Variants in MGLL observed in about 807,000 individuals in gnomAD.
MGLL encodes the protein monoglyceride lipase.
In MGLL, 7 loss-of-function variants were observed where a neutral mutation model predicts 29.1. The ratio of observed to expected loss-of-function variants is 0.24; its 90% CI spans 0.14 to 0.45. The LOEUF (loss-of-function observed/expected upper bound fraction) is 0.45. MGLL is among the 20% of genes least tolerant of loss of function. MGLL has a pLI of 0.99. For synonymous variants in MGLL, 148 were observed against 168.3 expected (o/e 0.88, Z 0.93); for missense variants, 356 against 413.6 (o/e 0.86, Z 1.21).
In MGLL at chr3:127,775,642, ATAAT is replaced by A. The variant is rs1450473486; in HGVS notation, c.262+6143_262+6146del. 2.0e-5 allele frequency among the ~76,000 whole-genome samples: 3 copies of A among 152,320 alleles called. No individual in the cohort carries two copies. In the East Asian group the frequency reaches 5.8e-4, roughly 29 times the overall value. Reference sequence around the variant, plus strand: ...AACACTTTCCCTCAAATATTTGCAGATAATTAATTCACTGTTCATCAGTTGAGGA... The same window carrying A: ...AACACTTTCCCTCAAATATTTGCAGATAATTCACTGTTCATCAGTTGAGGA... On this transcript the variant is annotated intron_variant, in intron 3 of 7. Coordinates refer to ENST00000265052, the MANE Select transcript of MGLL (RefSeq NM_007283.7).
intron 3 of MGLL, among the ~76,000 whole-genome samples, chr3:127,726,275 G>A (rs1476610641): frequency 1.0e-5 from 1 of 96,570 alleles, no homozygotes; most frequent in Admixed American, 1.1e-4. Flanking sequence ...AAGGAGGGAG[G>A]GAGAGAGGAA....
chr3:127,782,127 CAGG>C (rs1306817106), intron 2 of MGLL, among the ~76,000 whole-genome samples: 5 of 152,110 alleles, frequency 3.3e-5, no homozygotes, highest in Admixed American at 2.0e-4. Flanking sequence ...CAGGCTGAGG[CAGG>C]AGAATTGCTT....
chr3:127,756,873 G>A lies in MGLL; in HGVS notation c.262+24916C>T, dbSNP rs902681312. On this transcript the variant is annotated intron_variant, in intron 3 of 7. Transcript: ENST00000265052. ...CACCATGGCTGCTACCCTTGATGAC[G>A]CAGACCTAGGTCAGTAGCAGGAGGG... Among the ~76,000 whole-genome samples the A allele has an allele frequency of 4.6e-5, 7 of 152,208 alleles. No individual in the cohort carries two copies. The East Asian group carries it at 7.7e-4, about 17-fold the overall frequency.
chr3:127,816,746 G>A (rs1407848841), intron 2 of MGLL, among the ~76,000 whole-genome samples: 1 of 152,212 alleles, frequency 6.6e-6, no homozygotes, highest in East Asian at 1.9e-4. Flanking sequence ...GGTCAACATG[G>A]GCCTAGAACG....
At chr3:127,811,485 T>C (rs914563776) in intron 2 of MGLL, among the ~76,000 whole-genome samples, 17 of 152,208 alleles carry the variant, frequency 1.1e-4, no homozygotes, top group African/African-American at 3.1e-4. Flanking sequence ...TCAACCCTCG[T>C]CCCAACTATT....
chr3:127,696,476 C>G (rs1303692104), intron 6 of MGLL, among the ~76,000 whole-genome samples: 1 of 126,406 alleles, frequency 7.9e-6, no homozygotes, highest in Non-Finnish European at 1.6e-5. Context: ...TGCAGTGATA[C>G]GATCTTGGCT....
intron 6 of MGLL, among the ~76,000 whole-genome samples, chr3:127,704,008 A>G (rs775884494): frequency 1.3e-5 from 2 of 152,252 alleles, no homozygotes; most frequent in Non-Finnish European, 2.9e-5. Context: ...CCAAAACAGC[A>G]TGGCACTGGT....
At chr3:127,819,541 T>C (rs1049477219) in intron 2 of MGLL, among the ~76,000 whole-genome samples, 1 of 152,062 alleles carries the variant, frequency 6.6e-6, no homozygotes, top group African/African-American at 2.4e-5. Context: ...TTGCTTTTCC[T>C]CCCTTCTTTC....
intron 5 of MGLL, among the ~76,000 whole-genome samples, chr3:127,716,132 T>C (rs184557419): frequency 6.6e-6 from 1 of 152,216 alleles, no homozygotes; most frequent in Admixed American, 6.5e-5. Context: ...CCAAAACCCA[T>C]GACAAATGGC....
intron 3 of MGLL, among the ~76,000 whole-genome samples, chr3:127,726,133 A>C (rs1372124100): frequency 1.3e-4 from 3 of 23,928 alleles, no homozygotes; most frequent in African/African-American, 3.2e-4. Context: ...AGAAAGAAAG[A>C]AAGAAAGAAA....
chr3:127,715,401 A>ATCTC, intron 5 of MGLL: 2 of 324,716 alleles, frequency 6.2e-6, no homozygotes, highest in Non-Finnish European at 1.2e-5. Context: ...AATTGTGTAG[A>ATCTC]GGCAAATATT....
chr3:127,732,940 G>A (rs558443974), intron 3 of MGLL, among the ~76,000 whole-genome samples: 1 of 152,272 alleles, frequency 6.6e-6, no homozygotes, highest in East Asian at 1.9e-4. Flanking sequence ...GGAGCGGTGG[G>A]TGGAAGGAGG....
At chr3:127,791,900 G>A (rs1286229495) in intron 2 of MGLL, among the ~76,000 whole-genome samples, 39 of 152,126 alleles carry the variant, frequency 2.6e-4, no homozygotes, top group African/African-American at 8.9e-4. Context: ...GTGAAACCCC[G>A]TCTCTACTAA....
Position 127,691,495 on chromosome 3 carries a change from C to A in MGLL, c.*703G>T, listed in dbSNP as rs1031239320. ...AGTACAGGCGGCACTCGGGGACCAA[C>A]CTGAGCCTCCCCCTGGCAGGAGGGG... On this transcript the variant is annotated 3_prime_UTR_variant, in exon 8 of 8. Coordinates refer to ENST00000265052, the MANE Select transcript of MGLL (RefSeq NM_007283.7). The A allele has an allele frequency of 6.6e-6, 1 of 152,516 alleles. No homozygotes were observed. Among genetic ancestry groups the A allele is most frequent in the African/African-American group, 2.4e-5 (1 of 41,440 alleles). 9.4% of individuals were successfully genotyped at this position (152,516 alleles called of 1,614,324 possible).
At chr3:127,803,373 A>C (rs1051900895) in intron 2 of MGLL, among the ~76,000 whole-genome samples, 1 of 152,192 alleles carries the variant, frequency 6.6e-6, no homozygotes, top group Non-Finnish European at 1.5e-5. Context: ...TGAAGGAACA[A>C]GCAGTGGGGT....
chr3:127,702,009 C>G (rs1170182583), intron 6 of MGLL, among the ~76,000 whole-genome samples: 1 of 152,182 alleles, frequency 6.6e-6, no homozygotes, highest in Non-Finnish European at 1.5e-5. Flanking sequence ...AGCAACAGCT[C>G]TCACCTGCTA....
chr3:127,735,981 GT>G, intron 3 of MGLL: 1 of 1,429,114 alleles, frequency 7.0e-7, no homozygotes, highest in Non-Finnish European at 9.1e-7. Context: ...TTTCGGCTCA[GT>G]TCCTTCACGC....
chr3:127,816,205 G>A (rs1174337274), intron 2 of MGLL, among the ~76,000 whole-genome samples: 1 of 152,202 alleles, frequency 6.6e-6, no homozygotes, highest in Non-Finnish European at 1.5e-5. Flanking sequence ...AAGGGCTACA[G>A]GGTTCAGCAG....
At chr3:127,754,655 T>C (rs942969445) in intron 3 of MGLL, among the ~76,000 whole-genome samples, 2 of 152,212 alleles carry the variant, frequency 1.3e-5, no homozygotes, top group African/African-American at 2.4e-5. Flanking sequence ...AGTGGGCACC[T>C]ACAGGTGTGC....
Sources: allele counts gnomAD v4.1 joint callset (sites outside exome capture counted in the v4.1 genomes callset), GRCh38; gene constraint gnomAD v4.1.1; transcripts MANE v1.5; gene names NCBI Gene and HGNC (gene_info 2026-07-23, HGNC 2026-07-21).